CNTN2: variants seen among roughly 807,000 people sequenced by gnomAD.
CNTN2 encodes contactin-2.
In CNTN2, 53 loss-of-function variants were observed where a neutral mutation model predicts 117.5. The observed-to-expected ratio is 0.45, with a 90% CI of 0.36 to 0.57. The LOEUF (loss-of-function observed/expected upper bound fraction) is 0.57, where lower values mean the gene tolerates loss of function less well. Among genes scored for constraint, CNTN2 ranks in the 20% least tolerant of loss-of-function variants. The probability of loss-of-function intolerance (pLI) is 0.00; values close to 1 mark genes in which losing one functional copy is unlikely to be tolerated. For missense variants in CNTN2, 1,106 were observed against 1,404.3 expected, an observed-to-expected ratio of 0.79 and a Z score of 3.39; for synonymous variants, 530 against 561.7, an observed-to-expected ratio of 0.94 and a Z score of 0.80.
chr1:205,076,087 C>G lies in CNTN2; in HGVS notation c.*2322C>G, dbSNP rs1041727229. 1 of 152,152 alleles carries G rather than the reference C, an allele frequency of 6.6e-6. No individual in the cohort carries two copies. Among genetic ancestry groups the G allele is most frequent in the Admixed American group, 6.5e-5 (1 of 15,274 alleles). 9.4% of individuals were successfully genotyped at this position (152,152 alleles called of 1,614,324 possible). On this transcript the variant is annotated 3_prime_UTR_variant, in exon 23 of 23. Coordinates refer to ENST00000331830, the MANE Select transcript of CNTN2 (RefSeq NM_005076.5). Reference sequence around the variant, plus strand: ...GCTTCAGGCCAACGATAGTTACTCACAAGTAAGTACCTTAATGCTAATGAG... The same window carrying G: ...GCTTCAGGCCAACGATAGTTACTCAGAAGTAAGTACCTTAATGCTAATGAG...
chr1:205,072,113 A>C lies in CNTN2; in HGVS notation c.2711A>C (p.Asn904Thr). The C allele has an allele frequency of 6.2e-7, 1 of 1,611,550 alleles. No homozygotes were observed. Among genetic ancestry groups the C allele is most frequent in the Non-Finnish European group, 8.5e-7 (1 of 1,179,264 alleles). Residue 904 changes from asparagine (N) to threonine (T), a missense_variant, in exon 20 of 23, where the codon AAC becomes ACC. Transcript: ENST00000331830. Reference protein sequence around the residue: ...AGTGPASPSANATTMKPPPRR... With the variant: ...AGTGPASPSATATTMKPPPRR... ...ACTGGGCCTGCCAGCCCTTCTGCCA[A>C]CGCCACGACCATGAAGCCCCGTGAG... is the stretch of plus-strand genomic sequence containing the variant.
Position 205,065,859 on chromosome 1 carries a change from C to A in CNTN2, c.1766C>A (p.Ala589Asp). 1 of 1,614,050 alleles carries A rather than the reference C, an allele frequency of 6.2e-7. No individual in the cohort carries two copies. Among genetic ancestry groups the A allele is most frequent in the Non-Finnish European group, 8.5e-7 (1 of 1,179,998 alleles). ...CATGGGGGGAAGTACACGTGCATGGCCCAGACGGTGGTGGACAGCGCGTCC... is the reference window on the plus strand; with the variant it reads ...CATGGGGGGAAGTACACGTGCATGGACCAGACGGTGGTGGACAGCGCGTCC... The part of the protein sequence containing the change: ...LRHGGKYTCM[A>D]QTVVDSASKE... The change falls in exon 14 of 23, where the codon GCC (alanine) becomes GAC (aspartate). Residue 589 changes from alanine (A) to aspartate (D), a missense_variant. Transcript: ENST00000331830. The surrounding 1 kb of genome is among the most constrained non-coding windows in gnomAD (Gnocchi z 4.1).
intron 18 of CNTN2, 67 bp downstream of exon 18, chr1:205,070,128 G>A (rs1211269015): frequency 4.0e-6 from 6 of 1,481,876 alleles, no homozygotes; most frequent in Non-Finnish European, 5.6e-6. Context: ...TGTGGGGTGG[G>A]GGAACGCTAC....
intron 15 of CNTN2, 102 bp downstream of exon 15, chr1:205,066,701 G>A: frequency 7.4e-7 from 1 of 1,344,374 alleles, no homozygotes; most frequent in Non-Finnish European, 1.0e-6. Context: ...GGCCAGGGCT[G>A]AGCCTGGAGC....
At chr1:205,044,529 G>A (rs2096438034) in intron 1 of CNTN2, among the ~76,000 whole-genome samples, 1 of 152,098 alleles carries the variant, frequency 6.6e-6, no homozygotes, top group African/African-American at 2.4e-5. Context: ...CTGGAGAAAG[G>A]TGGGTTTCAG....
rs1654729904 is a variant in CNTN2 at position 205,073,882 on chromosome 1, C to A, written c.*117C>A. On this transcript the variant is annotated 3_prime_UTR_variant, in exon 23 of 23. Transcript: ENST00000331830. This position sits in a 1 kb window ranked among gnomAD's most constrained non-coding sequence, Gnocchi z 6.3. ...GCCAGAGAGTGGCTGGTTTTAAATA[C>A]CTACTTTAAACAGTGCCCTTTTTGT... 1.3e-6 allele frequency: 1 copy of A among 775,076 alleles called. No individual in the cohort carries two copies. The highest frequency in any genetic ancestry group is 2.2e-6 in the Non-Finnish European group (1 of 460,926). 48.0% of individuals were successfully genotyped at this position (775,076 alleles called of 1,614,324 possible).
In CNTN2 at chr1:205,061,429, C is replaced by T. The variant is rs767773123; in HGVS notation, c.973+9C>T. The T allele has an allele frequency of 2.5e-6, 4 of 1,587,812 alleles. No individual in the cohort carries two copies. In the South Asian group the frequency reaches 3.4e-5, roughly 13 times the overall value. ...CCGCATCATCGTGCAGGGTACAGAG[C>T]CAGGGACACCTTCTCCGCCCCTCCC... is the stretch of plus-strand genomic sequence containing the variant. On this transcript the variant is annotated intron_variant, in intron 8 of 22. Coordinates refer to ENST00000331830, the MANE Select transcript of CNTN2 (RefSeq NM_005076.5). This position sits in a 1 kb window ranked among gnomAD's most constrained non-coding sequence, Gnocchi z 4.8.
chr1:205,058,380 C>T lies in CNTN2; in HGVS notation c.391+24C>T, dbSNP rs755154599. The T allele has an allele frequency of 6.5e-7, 1 of 1,533,348 alleles. No individual in the cohort carries two copies. The highest frequency in any genetic ancestry group is 1.4e-5 in the African/African-American group (1 of 72,550). The allele number at this position is 1,533,348 out of a possible 1,614,324, so 95.0% of individuals were successfully genotyped here. On this transcript the variant is annotated intron_variant, in intron 4 of 22. Coordinates refer to ENST00000331830, the MANE Select transcript of CNTN2 (RefSeq NM_005076.5). The surrounding 1 kb of genome is among the most constrained non-coding windows in gnomAD (Gnocchi z 4.3). ...CTGTGAGACCCGCGGGGGACCAAGA[C>T]ACTTTGGGGGAGGGGGAGAGGGGGC...
chr1:205,045,368 C>T (rs2096439764), intron 1 of CNTN2, among the ~76,000 whole-genome samples: 1 of 152,186 alleles, frequency 6.6e-6, no homozygotes. Flanking sequence ...AGCAGTTGTT[C>T]AAATAGAGAC....
rs1654691192 is a variant in CNTN2, at chr1:205,073,295, G to A, written c.3013+59G>A. On this transcript the variant is annotated intron_variant, in intron 22 of 22. Coordinates refer to ENST00000331830, the MANE Select transcript of CNTN2 (RefSeq NM_005076.5). This position sits in a 1 kb window ranked among gnomAD's most constrained non-coding sequence, Gnocchi z 6.3. ...AGATTCAGGATCCACCCAGATACCT[G>A]AGAGGATCATTCCCACCCAGGCCAA... The A allele has an allele frequency of 1.3e-6, 2 of 1,581,358 alleles. No individual in the cohort carries two copies. The highest frequency in any genetic ancestry group is 2.7e-5 in the African/African-American group (2 of 74,214).
At position 205,053,229 on chromosome 1, in the gene CNTN2, C is replaced by G; in HGVS notation, c.44C>G (p.Ala15Gly). The G allele has an allele frequency of 6.2e-7, 1 of 1,612,966 alleles. No individual in the cohort carries two copies. The highest frequency in any genetic ancestry group is 8.5e-7 in the Non-Finnish European group (1 of 1,179,448). Residue 15 changes from alanine to glycine, a missense_variant, in exon 2 of 23, where the codon GCT becomes GGT. By Grantham distance (60) the Ala-to-Gly change is moderately conservative. Transcript: ENST00000331830. ...AGGAAGCCACACCTGCTGCTGGTAG[C>G]TGCTGTGGCCCTTGTCTCCTCTTCA... ...TRRKPHLLLV[A>G]AVALVSSSAW...
chr1:205,069,813 C>A lies in CNTN2; in HGVS notation c.2197-14C>A. On this transcript the variant is annotated splice_polypyrimidine_tract_variant and intron_variant, in intron 17 of 22. Transcript: ENST00000331830. ...GCCGCGGACCCTCGCCCATGCCATG[C>A]TCTTGCCCCTCAGCCCATGTCACGG... The A allele has an allele frequency of 6.2e-7, 1 of 1,609,644 alleles. No individual in the cohort carries two copies. Among genetic ancestry groups the A allele is most frequent in the Non-Finnish European group, 8.5e-7 (1 of 1,176,440 alleles).
In CNTN2 at chr1:205,058,805, C is replaced by A. The variant is rs1441307938; in HGVS notation, c.487+142C>A. 7.2e-6 allele frequency: 5 copies of A among 691,372 alleles called. No individual in the cohort carries two copies. The highest frequency in any genetic ancestry group is 1.9e-5 in the South Asian group (1 of 52,180). The allele number at this position is 691,372 out of a possible 1,614,324, so 42.8% of individuals were successfully genotyped here. A position where few individuals can be genotyped will look rare whatever the true frequency, so the allele number is the denominator to read the frequency against. ...CCCTGGGACCCTAACTTTAAATGAT[C>A]TGTGTTTCCTTTATAGGTCTGTCAC... On this transcript the variant is annotated intron_variant, in intron 5 of 22. Transcript: ENST00000331830. The surrounding 1 kb of genome is among the most constrained non-coding windows in gnomAD (Gnocchi z 4.3).
Position 205,053,197 on chromosome 1 carries a change from C to A in CNTN2, c.12C>A (p.Ala4=), listed in dbSNP as rs769652836. 2.5e-6 allele frequency: 4 copies of A among 1,612,768 alleles called. No homozygotes were observed. The South Asian group carries it at 4.4e-5, about 18-fold the overall frequency. MGT[A]TRRKPHLLLV... ...CCCGGACATCCACCATGGGGACAGC[C>A]ACCAGGAGGAAGCCACACCTGCTGC... Residue 4 remains alanine, a synonymous_variant, in exon 2 of 23, where the codon GCC becomes GCA. Transcript: ENST00000331830.
rs1653886833 is a variant in CNTN2, at chr1:205,059,971, T to C, written c.797+289T>C. The C allele has an allele frequency of 9.1e-6, 4 of 439,710 alleles. No homozygotes were observed. The South Asian group carries it at 1.0e-4, about 11-fold the overall frequency. The allele number at this position is 439,710 out of a possible 1,614,324, so 27.2% of individuals were successfully genotyped here. A position where few individuals can be genotyped will look rare whatever the true frequency, so the allele number is the denominator to read the frequency against. ...CCAGGGCTGGAGGCAGGCAGCACAG[T>C]GTACAGACTCCAACCCTGTCTGTCT... is the stretch of plus-strand genomic sequence containing the variant. On this transcript the variant is annotated intron_variant, in intron 7 of 22. Coordinates refer to ENST00000331830, the MANE Select transcript of CNTN2 (RefSeq NM_005076.5). The surrounding 1 kb of genome is among the most constrained non-coding windows in gnomAD (Gnocchi z 5.6).
At chr1:205,056,054 C>T (rs1018447903) in intron 2 of CNTN2, among the ~76,000 whole-genome samples, 4 of 151,926 alleles carry the variant, frequency 2.6e-5, no homozygotes, top group African/African-American at 4.8e-5. Context: ...ATGACATGAG[C>T]GTGCATATAA....
In CNTN2 at chr1:205,058,644, C is replaced by T. The variant is rs1395072638; in HGVS notation, c.468C>T (p.Asn156=). 5 of 1,613,748 alleles carry T rather than the reference C, an allele frequency of 3.1e-6. No homozygotes were observed. Among genetic ancestry groups the T allele is most frequent in the Non-Finnish European group, 4.2e-6 (5 of 1,179,916 alleles). The change falls in exon 5 of 23, where the codon AAC becomes AAT. Residue 156 remains asparagine (N), a synonymous_variant. Transcript: ENST00000331830. The surrounding 1 kb of genome is among the most constrained non-coding windows in gnomAD (Gnocchi z 4.3). ...GCTGGGGGGTGATGTTGCCCTGTAA[C>T]CCACCTGCCCACTACCCAGGTGAGT... ...HEGWGVMLPC[N]PPAHYPGLSY...
At chr1:205,069,685 G>A in intron 17 of CNTN2, 124 bp downstream of exon 17, 3 of 1,386,544 alleles carry the variant, frequency 2.2e-6, no homozygotes, top group African/African-American at 1.4e-5. Flanking sequence ...CCCCTTCCAC[G>A]CACCCGCTGC....
chr1:205,069,366 G>T, intron 16 of CNTN2, 125 bp from the exon 17 acceptor site: 1 of 829,362 alleles, frequency 1.2e-6, no homozygotes. Flanking sequence ...GGACCACTGG[G>T]GGGCAAACCC....
Sources: allele counts gnomAD v4.1 joint callset (sites outside exome capture counted in the v4.1 genomes callset), GRCh38; gene constraint gnomAD v4.1.1; non-coding constraint Gnocchi (gnomAD v3.1); transcripts MANE v1.5; gene names NCBI Gene and HGNC (gene_info 2026-07-23, HGNC 2026-07-21).